Variants in IRAG2 observed in about 807,000 individuals in gnomAD.
The protein encoded by IRAG2 is lymphoid restricted membrane protein.
In IRAG2, 45 loss-of-function variants were observed where a neutral mutation model predicts 69.9. The observed-to-expected ratio is 0.64, with a 90% CI of 0.51 to 0.83. The LOEUF (loss-of-function observed/expected upper bound fraction) is 0.83, where lower values mean the gene tolerates loss of function less well. Ranked by LOEUF, IRAG2 falls within the 40% of genes least tolerant of loss-of-function variation. The pLI is 0.00. For synonymous variants in IRAG2, 193 were observed against 202.4 expected, an observed-to-expected ratio of 0.95 and a Z score of 0.40; for missense variants, 520 against 587.0, an observed-to-expected ratio of 0.89 and a Z score of 1.18.
intron 12 of IRAG2, chr12:25,032,493 A>G (rs1246188625): frequency 2.5e-6 from 1 of 397,108 alleles, no homozygotes; most frequent in Non-Finnish European, 4.4e-6. Flanking sequence ...TATTTTCTCT[A>G]TTTTTCTCCA....
intron 14 of IRAG2, chr12:25,093,634 T>C (rs1167646905): frequency 6.5e-6 from 1 of 153,560 alleles, no homozygotes; most frequent in African/African-American, 2.4e-5. Flanking sequence ...TGGTAGATAA[T>C]CCACAATATT....
intron 16 of IRAG2, among the ~76,000 whole-genome samples, chr12:25,045,453 A>G (rs1159835745): frequency 6.6e-6 from 1 of 152,062 alleles, no homozygotes; most frequent in African/African-American, 2.4e-5. Flanking sequence ...AGCAAAACTA[A>G]GAGATGGATT....
Position 25,106,931 on chromosome 12 carries a change from A to C in IRAG2, c.1149-12A>C. The C allele has an allele frequency of 2.9e-6, 4 of 1,364,418 alleles. No homozygotes were observed. The highest frequency in any genetic ancestry group is 4.1e-6 in the Non-Finnish European group (4 of 979,200). 84.5% of individuals were successfully genotyped at this position (1,364,418 alleles called of 1,614,324 possible). On this transcript the variant is annotated splice_polypyrimidine_tract_variant and intron_variant, in intron 20 of 21. Coordinates refer to ENST00000556887, the MANE Select transcript of IRAG2 (RefSeq NM_001366544.2). Reference sequence around the variant, plus strand: ...CTTAGTTTCAAATATTAAAAACAACATTTATTTACAGAACTAAAGATGACT... The same window carrying C: ...CTTAGTTTCAAATATTAAAAACAACCTTTATTTACAGAACTAAAGATGACT...
chr12:25,062,301 G>GA (rs201743600), intron 2 of IRAG2, among the ~76,000 whole-genome samples: 117 of 147,972 alleles, frequency 7.9e-4, no homozygotes, highest in African/African-American at 2.0e-3. Context: ...GTTAAAGCAG[G>GA]AAAAAAAAAA....
chr12:25,075,524 G>GTA (rs988442336), intron 6 of IRAG2, among the ~76,000 whole-genome samples: 7 of 98,348 alleles, frequency 7.1e-5, no homozygotes, highest in African/African-American at 3.6e-4. Flanking sequence ...GTGTATGCGT[G>GTA]TGTGTGTGTG....
At chr12:25,047,137 G>C (rs1456370998) in intron 16 of IRAG2, among the ~76,000 whole-genome samples, 1 of 152,152 alleles carries the variant, frequency 6.6e-6, no homozygotes, top group Admixed American at 6.6e-5. Flanking sequence ...ACAAAAGAAT[G>C]AAATTGGACT....
chr12:25,062,237 A>C (rs779658568), intron 2 of IRAG2, among the ~76,000 whole-genome samples: 5 of 152,178 alleles, frequency 3.3e-5, no homozygotes. Flanking sequence ...GGAGGAAAGA[A>C]AGAAGGGTGA....
chr12:25,037,569 G>A (rs539370130), intron 15 of IRAG2, among the ~76,000 whole-genome samples: 16 of 152,304 alleles, frequency 1.1e-4, no homozygotes, highest in African/African-American at 3.9e-4. Flanking sequence ...AAAGTGCTGG[G>A]ATTACAGTCA....
intron 20 of IRAG2, 114 bp downstream of exon 20, chr12:25,104,576 T>A: frequency 1.5e-6 from 1 of 678,548 alleles, no homozygotes; most frequent in Non-Finnish European, 2.7e-6. Context: ...AGATAATTCA[T>A]TGTAAAACAC....
At chr12:25,005,429 G>A (rs1944423906) in intron 2 of IRAG2, 1 of 601,668 alleles carries the variant, frequency 1.7e-6, no homozygotes, top group Non-Finnish European at 2.4e-6. Flanking sequence ...GTGAGAGAAA[G>A]GGAAATGATT....
chr12:25,033,609 G>C (rs1944684789), intron 12 of IRAG2: 4 of 332,402 alleles, frequency 1.2e-5, no homozygotes, highest in Non-Finnish European at 1.1e-5. Flanking sequence ...ATTTTTAACT[G>C]TTGGTACCAA....
intron 15 of IRAG2, among the ~76,000 whole-genome samples, chr12:25,037,115 G>A (rs1198041268): frequency 1.3e-5 from 2 of 152,116 alleles, no homozygotes; most frequent in Non-Finnish European, 2.9e-5. Context: ...AACTTCTTAG[G>A]TAGCTATTCC....
chr12:25,011,560 A>C (rs1205191611), intron 3 of IRAG2: 2 of 1,228,600 alleles, frequency 1.6e-6, no homozygotes, highest in Non-Finnish European at 2.0e-6. Flanking sequence ...TGGTAATCAG[A>C]GTCCTAGTGG....
chr12:25,082,281 A>G (rs2140121979), intron 9 of IRAG2, among the ~76,000 whole-genome samples: 1 of 152,266 alleles, frequency 6.6e-6, no homozygotes, highest in Non-Finnish European at 1.5e-5. Flanking sequence ...ATATGAATCT[A>G]CTACTTGTCC....
At position 25,083,310 on chromosome 12, in the gene IRAG2, T is replaced by C. The variant is rs1220223942; in HGVS notation, c.245-113T>C. The C allele has an allele frequency of 2.5e-5, 19 of 760,506 alleles. No homozygotes were observed. In the East Asian group the frequency reaches 4.4e-4, roughly 18 times the overall value. The allele number at this position is 760,506 out of a possible 1,614,324, so 47.1% of individuals were successfully genotyped here. ...TTTGTAGTTCATAATTTGTCTCATA[T>C]GTTAAGACCTTTGTCAGTTACTGGT... On this transcript the variant is annotated intron_variant, in intron 9 of 21. Coordinates refer to ENST00000556887, the MANE Select transcript of IRAG2 (RefSeq NM_001366544.2).
chr12:25,094,434 A>G (rs1052319719), intron 14 of IRAG2, among the ~76,000 whole-genome samples: 3 of 151,994 alleles, frequency 2.0e-5, no homozygotes, highest in Admixed American at 1.3e-4. Context: ...CCATTGGTCT[A>G]TATGTCTGTT....
intron 10 of IRAG2, among the ~76,000 whole-genome samples, chr12:25,087,335 T>G (rs1462141052): frequency 6.6e-6 from 1 of 151,738 alleles, no homozygotes; most frequent in Non-Finnish European, 1.5e-5. Context: ...CCCTGGCTAA[T>G]TTTTGTATTT....
At chr12:25,074,615 T>A (rs1946556612) in intron 6 of IRAG2, among the ~76,000 whole-genome samples, 1 of 152,134 alleles carries the variant, frequency 6.6e-6, no homozygotes, top group South Asian at 2.1e-4. Context: ...GCAAAATACC[T>A]GAATCATAGT....
intron 7 of IRAG2, among the ~76,000 whole-genome samples, chr12:25,021,968 C>A (rs534798329): frequency 9.8e-5 from 15 of 152,336 alleles, no homozygotes; most frequent in African/African-American, 3.6e-4. Context: ...GAGCTTCTAA[C>A]TGAAGGCAAT....
Sources: allele counts gnomAD v4.1 joint callset (sites outside exome capture counted in the v4.1 genomes callset), GRCh38; gene constraint gnomAD v4.1.1; transcripts MANE v1.5; gene names NCBI Gene and HGNC (gene_info 2026-07-23, HGNC 2026-07-21).